The following SEM1 variants were observed in gnomAD, a reference collection of about 807,000 sequenced individuals.
The protein encoded by SEM1 is 26S proteasome complex subunit SEM1.
A neutral mutation model predicts 12.7 loss-of-function variants in SEM1; 3 were observed. The ratio of observed to expected loss-of-function variants is 0.24; its 90% CI spans 0.11 to 0.61. The LOEUF (loss-of-function observed/expected upper bound fraction) is 0.61. Among genes scored for constraint, SEM1 ranks in the 20% least tolerant of loss-of-function variants. SEM1 has a pLI of 0.88. For missense variants in SEM1, 59 were observed against 81.3 expected (o/e 0.73, Z 1.06); for synonymous variants, 30 against 27.8 (o/e 1.08, Z -0.25).
intron 2 of SEM1, among the ~76,000 whole-genome samples, chr7:96,507,629 A>T (rs1803799344): frequency 6.6e-6 from 1 of 152,006 alleles, no homozygotes; most frequent in Non-Finnish European, 1.5e-5. Flanking sequence ...TACTATCCCT[A>T]GTCTTCTGGC....
At chr7:96,499,928 C>T (rs920220771), upstream of SEM1, among the ~76,000 whole-genome samples, 1 of 152,150 alleles carries the variant, frequency 6.6e-6, no homozygotes, top group Non-Finnish European at 1.5e-5. Context: ...ATATCACCAT[C>T]AACACATATT....
At position 96,661,758 on chromosome 7, in the gene SEM1, C is replaced by A. The variant is rs180773207; in HGVS notation, c.170+33040G>T. On this transcript the variant is annotated intron_variant, in intron 2 of 2. Coordinates refer to the SEM1 transcript ENST00000417009. ...ATCCCAGCACTTTGGGAGGCCGAGG[C>A]GGGCAGATCACCTGAGGTCGGGAGT... is the stretch of plus-strand genomic sequence containing the variant. Among the ~76,000 whole-genome samples the A allele has an allele frequency of 4.8e-3, 725 of 152,132 alleles. 4 individuals carry two copies. The highest frequency in any genetic ancestry group is 7.1e-3 in the Non-Finnish European group (485 of 67,986).
At chr7:96,649,136 C>CT (rs1452061205) in intron 2 of SEM1, 2 of 152,176 alleles carry the variant, frequency 1.3e-5, no homozygotes, top group African/African-American at 4.8e-5. Context: ...ATTTGTAAAG[C>CT]TTTTTGAGAA....
At chr7:96,663,147 G>GA (rs138931192) in intron 2 of SEM1, among the ~76,000 whole-genome samples, 50,524 of 146,480 alleles carry the variant, frequency 0.34, 10,287 homozygotes, top group African/African-American at 0.59. Context: ...GATATTCCAG[G>GA]AAAAAAAAAA....
chr7:96,595,600 G>T (rs1397089523), intron 2 of SEM1, among the ~76,000 whole-genome samples: 2 of 152,082 alleles, frequency 1.3e-5, no homozygotes, highest in African/African-American at 4.8e-5. Flanking sequence ...TTATAGGAAA[G>T]TTGGGAAGTT....
intron 2 of SEM1, among the ~76,000 whole-genome samples, chr7:96,638,179 A>T (rs927941867): frequency 5.9e-5 from 9 of 152,070 alleles, no homozygotes; most frequent in African/African-American, 1.9e-4. Flanking sequence ...TTTGTGATGA[A>T]GACTTTTCTC....
At chr7:96,647,000 A>G (rs1325186705) in intron 2 of SEM1, among the ~76,000 whole-genome samples, 1 of 152,168 alleles carries the variant, frequency 6.6e-6, no homozygotes, top group African/African-American at 2.4e-5. Flanking sequence ...GCATTGAGAA[A>G]AGCTGGAGAA....
chr7:96,640,263 C>G lies in SEM1; in HGVS notation c.171-17620G>C, dbSNP rs12671864. Among the ~76,000 whole-genome samples the G allele has an allele frequency of 0.17, 26,158 of 151,940 alleles. 2,287 individuals carry two copies. The highest frequency in any genetic ancestry group is 0.21 in the South Asian group (1,013 of 4,824). ...CTGAAAACTTATGTCCACACAAAAA[C>G]TTGCACACACACGTTTATTGCAGGC... On this transcript the variant is annotated intron_variant, in intron 2 of 2. Transcript: ENST00000417009. This position sits in a 1 kb window ranked among gnomAD's most constrained non-coding sequence, Gnocchi z 4.0.
intron 2 of SEM1, among the ~76,000 whole-genome samples, chr7:96,590,874 G>C (rs909747034): frequency 6.6e-6 from 1 of 152,084 alleles, no homozygotes; most frequent in African/African-American, 2.4e-5. Flanking sequence ...AGGGAGGGTC[G>C]GGGTTACAAA....
At chr7:96,612,793 AC>A (rs1236899494) in intron 2 of SEM1, among the ~76,000 whole-genome samples, 10 of 151,428 alleles carry the variant, frequency 6.6e-5, no homozygotes, top group Non-Finnish European at 1.3e-4. Flanking sequence ...CTGCCACCAC[AC>A]CCGGCTAATT....
chr7:96,611,370 G>T (rs997316743), intron 2 of SEM1, among the ~76,000 whole-genome samples: 2 of 152,184 alleles, frequency 1.3e-5, no homozygotes, highest in Non-Finnish European at 2.9e-5. Context: ...AAGGTAGAGG[G>T]AAAGTCTCTC....
intron 2 of SEM1, among the ~76,000 whole-genome samples, chr7:96,630,119 T>C (rs1808200492): frequency 3.9e-5 from 6 of 152,194 alleles, no homozygotes; most frequent in Admixed American, 3.9e-4. Flanking sequence ...AGGCTTACCA[T>C]AACCAGTCCT....
chr7:96,608,145 G>A (rs1019390786), intron 2 of SEM1, among the ~76,000 whole-genome samples: 1 of 152,144 alleles, frequency 6.6e-6, no homozygotes, highest in Non-Finnish European at 1.5e-5. Flanking sequence ...GTGGATACCC[G>A]AGATGATTCT....
intron 2 of SEM1, among the ~76,000 whole-genome samples, chr7:96,528,469 G>A (rs562633989): frequency 6.6e-6 from 1 of 152,222 alleles, no homozygotes; most frequent in South Asian, 2.1e-4. Context: ...TGGGATTATA[G>A]GCATTACCCA....
chr7:96,537,063 T>C (rs1456471364), intron 2 of SEM1, among the ~76,000 whole-genome samples: 7 of 151,812 alleles, frequency 4.6e-5, no homozygotes, highest in Non-Finnish European at 1.5e-5. Flanking sequence ...AATATTATTG[T>C]ATCAATTTTA....
intron 2 of SEM1, among the ~76,000 whole-genome samples, chr7:96,610,344 C>T (rs1056634517): frequency 1.3e-5 from 2 of 152,130 alleles, no homozygotes; most frequent in African/African-American, 4.8e-5. Context: ...GGTGATCCGC[C>T]TGCCTGGGCC....
chr7:96,515,659 A>T (rs1407096130), intron 2 of SEM1, among the ~76,000 whole-genome samples: 1 of 152,226 alleles, frequency 6.6e-6, no homozygotes, highest in Non-Finnish European at 1.5e-5. Flanking sequence ...GGATTAAGAA[A>T]ATGTGGCACA....
At chr7:96,530,677 C>CCTAAGCA (rs1353720616) in intron 2 of SEM1, among the ~76,000 whole-genome samples, 4 of 152,074 alleles carry the variant, frequency 2.6e-5, no homozygotes, top group Admixed American at 2.6e-4. Context: ...GAAAACAATT[C>CCTAAGCA]GGCGTAGCAT....
At chr7:96,557,890 G>A (rs181722451) in intron 2 of SEM1, among the ~76,000 whole-genome samples, 30 of 152,310 alleles carry the variant, frequency 2.0e-4, no homozygotes, top group South Asian at 6.2e-4. Context: ...ATATAATCTC[G>A]TGGTGAGCCG....
Sources: allele counts gnomAD v4.1 joint callset (sites outside exome capture counted in the v4.1 genomes callset), GRCh38; gene constraint gnomAD v4.1.1; non-coding constraint Gnocchi (gnomAD v3.1); transcripts MANE v1.5; gene names NCBI Gene and HGNC (gene_info 2026-07-23, HGNC 2026-07-21).